The following ERGIC1 variants were observed in gnomAD, a reference collection of about 807,000 sequenced individuals.
ERGIC1 encodes the protein endoplasmic reticulum-golgi intermediate compartment 1, also known as endoplasmic reticulum-Golgi intermediate compartment protein 1.
ERGIC1 carries 19 observed loss-of-function variants against 38.3 expected under a neutral mutation model. The observed-to-expected ratio is 0.50, with a 90% CI of 0.35 to 0.73. The LOEUF is 0.73. Among genes scored for constraint, ERGIC1 ranks in the 30% least tolerant of loss-of-function variants. The pLI, the probability that ERGIC1 is intolerant of heterozygous loss-of-function variation, is 0.01. For missense variants in ERGIC1, 294 were observed against 389.2 expected (o/e 0.76, Z 2.06); for synonymous variants, 124 against 157.6 (o/e 0.79, Z 1.60).
intron 5 of ERGIC1, chr5:172,920,721 C>T (rs909632485): frequency 4.3e-5 from 20 of 469,742 alleles, no homozygotes; most frequent in Non-Finnish European, 5.9e-5. Context: ...GCCTTCTTGA[C>T]TCACTTCACT....
At chr5:172,866,144 G>A (rs1443677934) in intron 1 of ERGIC1, among the ~76,000 whole-genome samples, 2 of 152,190 alleles carry the variant, frequency 1.3e-5, no homozygotes, top group African/African-American at 4.8e-5. Context: ...AATGTTCCAA[G>A]TGTTTCTGGG....
At chr5:172,862,067 C>T (rs1761716238) in intron 1 of ERGIC1, among the ~76,000 whole-genome samples, 1 of 151,668 alleles carries the variant, frequency 6.6e-6, no homozygotes. Flanking sequence ...TCTCGGCTCG[C>T]TGCAACCTCC....
chr5:172,923,938 T>G, intron 5 of ERGIC1, 67 bp from the exon 6 acceptor site: 2 of 1,378,188 alleles, frequency 1.5e-6, no homozygotes. Flanking sequence ...TCACACAGGG[T>G]GAGGCCCCAA....
chr5:172,915,761 A>C, intron 5 of ERGIC1: 4 of 384,938 alleles, frequency 1.0e-5, no homozygotes, highest in South Asian at 2.0e-5. Flanking sequence ...ATGTCCCACA[A>C]CTCCCCTTCC....
At chr5:172,928,956 G>A (rs1252623563) in intron 7 of ERGIC1, among the ~76,000 whole-genome samples, 4 of 152,152 alleles carry the variant, frequency 2.6e-5, no homozygotes, top group South Asian at 2.1e-4. Flanking sequence ...AATGTTGGCC[G>A]TTCTCTTCAT....
At chr5:172,913,022 G>T (rs1432139764) in intron 4 of ERGIC1, among the ~76,000 whole-genome samples, 1 of 152,060 alleles carries the variant, frequency 6.6e-6, no homozygotes, top group African/African-American at 2.4e-5. Flanking sequence ...GCCCACCTTG[G>T]CCTCCCAAAG....
chr5:172,940,004 G>A (rs982155404), intron 9 of ERGIC1, among the ~76,000 whole-genome samples: 1 of 152,212 alleles, frequency 6.6e-6, no homozygotes, highest in African/African-American at 2.4e-5. Context: ...GCCCCTAAAC[G>A]GCAAATGGGG....
At chr5:172,888,888 A>C (rs1425631838) in intron 2 of ERGIC1, 128 bp downstream of exon 2, 1 of 877,446 alleles carries the variant, frequency 1.1e-6, no homozygotes, top group Non-Finnish European at 1.9e-6. Context: ...AATGCTGAGC[A>C]TCTTGCGGGG....
intron 5 of ERGIC1, chr5:172,915,781 C>A: frequency 2.6e-6 from 1 of 386,072 alleles, no homozygotes; most frequent in South Asian, 2.0e-5. Flanking sequence ...CCAGCCCCAG[C>A]CAAACTGAGC....
intron 2 of ERGIC1, among the ~76,000 whole-genome samples, chr5:172,895,285 G>A (rs1307224010): frequency 6.6e-6 from 1 of 152,196 alleles, no homozygotes; most frequent in African/African-American, 2.4e-5. Context: ...GATCCTCAGA[G>A]AAGCCCTATA....
At chr5:172,949,658 G>GA (rs1055561170) in intron 9 of ERGIC1, among the ~76,000 whole-genome samples, 1 of 151,592 alleles carries the variant, frequency 6.6e-6, no homozygotes, top group African/African-American at 2.4e-5. Flanking sequence ...AGCGTGGCGG[G>GA]GGGGGGTATG....
At chr5:172,896,724 C>T (rs1762731831) in intron 2 of ERGIC1, among the ~76,000 whole-genome samples, 1 of 152,250 alleles carries the variant, frequency 6.6e-6, no homozygotes, top group Non-Finnish European at 1.5e-5. Flanking sequence ...TTTGGCTGGC[C>T]TTTGCATTAA....
chr5:172,862,307 CAAA>C (rs58968820), intron 1 of ERGIC1, among the ~76,000 whole-genome samples: 3 of 49,480 alleles, frequency 6.1e-5, no homozygotes, highest in African/African-American at 3.0e-4. Context: ...GACTACATCT[CAAA>C]AAAAAAAAAA....
At chr5:172,948,646 G>A (rs1246175707) in intron 9 of ERGIC1, among the ~76,000 whole-genome samples, 1 of 152,190 alleles carries the variant, frequency 6.6e-6, no homozygotes, top group African/African-American at 2.4e-5. Context: ...TCTCCTTCAT[G>A]GGCTGTAGGG....
intron 1 of ERGIC1, among the ~76,000 whole-genome samples, chr5:172,857,251 TGG>T (rs1761572399): frequency 1.3e-5 from 2 of 152,114 alleles, no homozygotes; most frequent in Non-Finnish European, 2.9e-5. Flanking sequence ...ATGAAATGAA[TGG>T]GGCTGAGACG....
At chr5:172,941,235 C>T (rs1307305682) in intron 9 of ERGIC1, among the ~76,000 whole-genome samples, 1 of 151,474 alleles carries the variant, frequency 6.6e-6, no homozygotes, top group African/African-American at 2.4e-5. Flanking sequence ...CACTGCACTC[C>T]AGCTCTGTCT....
chr5:172,855,900 G>A (rs1761537055), intron 1 of ERGIC1, among the ~76,000 whole-genome samples: 1 of 152,216 alleles, frequency 6.6e-6, no homozygotes, highest in Admixed American at 6.5e-5. Flanking sequence ...CCAGGCCAGC[G>A]ACTGTCAGCT....
intron 1 of ERGIC1, among the ~76,000 whole-genome samples, chr5:172,841,245 T>C (rs1761152601): frequency 6.6e-6 from 1 of 152,238 alleles, no homozygotes; most frequent in Non-Finnish European, 1.5e-5. Flanking sequence ...AAAAAAAATC[T>C]TGACCCACGG....
At chr5:172,881,366 A>G (rs1013006301) in intron 1 of ERGIC1, among the ~76,000 whole-genome samples, 1 of 152,202 alleles carries the variant, frequency 6.6e-6, no homozygotes, top group South Asian at 2.1e-4. Context: ...TCTTAGTCTC[A>G]TGTTTAAGGC....
Sources: allele counts gnomAD v4.1 joint callset (sites outside exome capture counted in the v4.1 genomes callset), GRCh38; gene constraint gnomAD v4.1.1; transcripts MANE v1.5; gene names NCBI Gene and HGNC (gene_info 2026-07-23, HGNC 2026-07-21).